The following FOXN3 variants were observed in gnomAD, a reference collection of about 807,000 sequenced individuals.
FOXN3 encodes forkhead box N3, also known as forkhead box protein N3.
A neutral mutation model predicts 38.4 loss-of-function variants in FOXN3; 7 were observed. That is an observed-to-expected ratio of 0.18 (90% CI 0.10 to 0.34). The LOEUF (loss-of-function observed/expected upper bound fraction) is 0.34, where lower values mean the gene tolerates loss of function less well. FOXN3 is among the 10% of genes least tolerant of loss of function. FOXN3 has a pLI of 1.00. For synonymous variants in FOXN3, 230 were observed against 242.2 expected (o/e 0.95, Z 0.47); for missense variants, 456 against 613.4 (o/e 0.74, Z 2.71).
chr14:89,335,046 T>G (rs960315621), intron 3 of FOXN3, among the ~76,000 whole-genome samples: 2 of 150,156 alleles, frequency 1.3e-5, no homozygotes, highest in Non-Finnish European at 3.0e-5. Context: ...ATTACAGACC[T>G]GAAAAAGAGT....
intron 3 of FOXN3, among the ~76,000 whole-genome samples, chr14:89,338,015 AAC>A (rs1268130252): frequency 9.2e-5 from 14 of 152,294 alleles, no homozygotes; most frequent in African/African-American, 3.4e-4. Flanking sequence ...TGGAATTTAT[AAC>A]CTTTCTATCC....
At chr14:89,279,980 A>C (rs994016320) in intron 4 of FOXN3, among the ~76,000 whole-genome samples, 9 of 152,150 alleles carry the variant, frequency 5.9e-5, no homozygotes, top group African/African-American at 2.2e-4. Context: ...CTTCTAAGGG[A>C]AAGAGGCTAA....
intron 1 of FOXN3, among the ~76,000 whole-genome samples, chr14:89,452,037 G>C (rs1892622681): frequency 6.6e-6 from 1 of 152,066 alleles, no homozygotes; most frequent in Non-Finnish European, 1.5e-5. Flanking sequence ...CCTACCTGAA[G>C]TTCGATCCTT....
At chr14:89,411,490 T>C (rs928196496) in intron 2 of FOXN3, among the ~76,000 whole-genome samples, 3 of 152,182 alleles carry the variant, frequency 2.0e-5, no homozygotes, top group African/African-American at 7.2e-5. Context: ...TGGAGAAATT[T>C]CCCTTCTCCT....
At chr14:89,209,365 C>G (rs1888463343) in intron 4 of FOXN3, among the ~76,000 whole-genome samples, 1 of 152,216 alleles carries the variant, frequency 6.6e-6, no homozygotes, top group Admixed American at 6.5e-5. Context: ...AATGATATTT[C>G]AAATCCTTAG....
chr14:89,357,287 G>C (rs972937626), intron 2 of FOXN3, among the ~76,000 whole-genome samples: 11 of 151,860 alleles, frequency 7.2e-5, no homozygotes, highest in Admixed American at 2.0e-4. Context: ...CTGGGCAACA[G>C]AGCAAGACCC....
intron 1 of FOXN3, among the ~76,000 whole-genome samples, chr14:89,585,769 AAAAG>A (rs1895829085): frequency 6.6e-6 from 1 of 151,808 alleles, no homozygotes; most frequent in Admixed American, 6.6e-5. Context: ...AAAAAAAAAA[AAAAG>A]AAAGGAAGGA....
chr14:89,363,167 C>T (rs1283153129), intron 2 of FOXN3, among the ~76,000 whole-genome samples: 2 of 152,164 alleles, frequency 1.3e-5, no homozygotes, highest in Non-Finnish European at 2.9e-5. Flanking sequence ...CCTGGGGCCT[C>T]ACATCCCTGC....
At chr14:89,388,056 C>T (rs568220094) in intron 2 of FOXN3, among the ~76,000 whole-genome samples, 1 of 152,174 alleles carries the variant, frequency 6.6e-6, no homozygotes, top group East Asian at 1.9e-4. Flanking sequence ...TGGTGGCGTG[C>T]ACCTGTAGTC....
At chr14:89,330,122 G>A (rs540581242) in intron 3 of FOXN3, among the ~76,000 whole-genome samples, 32 of 152,184 alleles carry the variant, frequency 2.1e-4, no homozygotes, top group Non-Finnish European at 4.1e-4. Flanking sequence ...CATCCTCCAG[G>A]TTTCCTTTAA....
intron 4 of FOXN3, among the ~76,000 whole-genome samples, chr14:89,257,252 C>T (rs2139887019): frequency 6.6e-6 from 1 of 152,326 alleles, no homozygotes; most frequent in Non-Finnish European, 1.5e-5. Context: ...GGCAAGGTGA[C>T]ATTTTCAAGG....
chr14:89,449,503 A>G (rs1259260469), intron 1 of FOXN3, among the ~76,000 whole-genome samples: 1 of 152,260 alleles, frequency 6.6e-6, no homozygotes, highest in Non-Finnish European at 1.5e-5. Flanking sequence ...ATAGTTCAAC[A>G]TGTCACACAG....
At chr14:89,570,827 AG>A (rs1895474839) in intron 1 of FOXN3, among the ~76,000 whole-genome samples, 1 of 152,158 alleles carries the variant, frequency 6.6e-6, no homozygotes, top group Admixed American at 6.6e-5. Flanking sequence ...TTGGACCTCA[AG>A]TTCAGTTGTC....
chr14:89,250,393 G>A (rs571374023), intron 4 of FOXN3, among the ~76,000 whole-genome samples: 11 of 152,366 alleles, frequency 7.2e-5, no homozygotes, highest in Middle Eastern at 3.4e-3. Flanking sequence ...TTACAGGCAT[G>A]AGCCACTGCA....
intron 1 of FOXN3, among the ~76,000 whole-genome samples, chr14:89,531,683 G>A (rs1894574712): frequency 6.6e-6 from 1 of 152,266 alleles, no homozygotes; most frequent in South Asian, 2.1e-4. Flanking sequence ...GGCAGGTTTG[G>A]AATGGAGCCT....
Position 89,341,600 on chromosome 14 carries a change from G to C in FOXN3, c.680+9072C>G, listed in dbSNP as rs146947205. 1.7e-3 allele frequency among the ~76,000 whole-genome samples: 252 copies of C among 152,256 alleles called. 2 individuals carry two copies. The highest frequency in any genetic ancestry group is 5.7e-3 in the African/African-American group (236 of 41,536). ...TTTAGTGTGACCAGAACTTGGAGAAGACAAAATGCTGAGATCAAAAATATT... is the reference window on the plus strand; with the variant it reads ...TTTAGTGTGACCAGAACTTGGAGAACACAAAATGCTGAGATCAAAAATATT... On this transcript the variant is annotated intron_variant, in intron 3 of 5. Coordinates refer to ENST00000557258, the MANE Select transcript of FOXN3 (RefSeq NM_005197.4).
At chr14:89,424,843 C>A (rs978065795) in intron 1 of FOXN3, among the ~76,000 whole-genome samples, 1 of 151,974 alleles carries the variant, frequency 6.6e-6, no homozygotes, top group Non-Finnish European at 1.5e-5. Flanking sequence ...CGTGATCATG[C>A]CACTAAATGT....
chr14:89,318,422 G>T (rs1887798771), intron 3 of FOXN3, among the ~76,000 whole-genome samples: 1 of 152,034 alleles, frequency 6.6e-6, no homozygotes, highest in Admixed American at 6.6e-5. Context: ...GCCTCCCACA[G>T]TACTGGGATT....
upstream of FOXN3, among the ~76,000 whole-genome samples, chr14:89,422,229 T>C (rs1404809849): frequency 6.6e-6 from 1 of 152,234 alleles, no homozygotes; most frequent in Non-Finnish European, 1.5e-5. Context: ...GCAGTGGTTC[T>C]CAAACTCGTG....
Sources: gnomAD v4.1 joint callset for allele counts (sites outside exome capture counted in the v4.1 genomes callset) on GRCh38, gnomAD v4.1.1 for gene constraint, MANE v1.5 for transcripts, NCBI Gene and HGNC (gene_info 2026-07-23, HGNC 2026-07-21) for gene names.